Variants in UNC5B observed in about 807,000 individuals in gnomAD.
UNC5B encodes unc-5 netrin receptor B, also known as netrin receptor UNC5B.
UNC5B carries 56 observed loss-of-function variants against 103.7 expected under a neutral mutation model. The observed-to-expected ratio is 0.54, with a 90% confidence interval of 0.44 to 0.67. The LOEUF (loss-of-function observed/expected upper bound fraction) is 0.67. Among genes scored for constraint, UNC5B ranks in the 30% least tolerant of loss-of-function variants. The pLI is 0.00. For missense variants in UNC5B, 1,194 were observed against 1,284.5 expected (o/e 0.93, Z 1.08); for synonymous variants, 577 against 542.0 (o/e 1.06, Z -0.90).
intron 1 of UNC5B, among the ~76,000 whole-genome samples, chr10:71,244,319 C>T (rs1386749438): frequency 6.6e-6 from 1 of 152,206 alleles, no homozygotes; most frequent in African/African-American, 2.4e-5. Context: ...GGTGGCCCCC[C>T]ACCCCAGGGC....
At chr10:71,230,938 T>TG (rs1417849846) in intron 1 of UNC5B, among the ~76,000 whole-genome samples, 1 of 152,168 alleles carries the variant, frequency 6.6e-6, no homozygotes, top group Admixed American at 6.5e-5. Flanking sequence ...GGGGTGTGGC[T>TG]GGGGGTAAAG....
At chr10:71,227,709 C>CATATATATACACATATATATAT (rs1564707143) in intron 1 of UNC5B, among the ~76,000 whole-genome samples, 35 of 50,684 alleles carry the variant, frequency 6.9e-4, no homozygotes, top group African/African-American at 1.4e-3. Flanking sequence ...CACACATATA[C>CATATATATACACATATATATAT]ACACACACAC....
At chr10:71,273,959 T>A (rs1280790008) in intron 1 of UNC5B, among the ~76,000 whole-genome samples, 2 of 152,200 alleles carry the variant, frequency 1.3e-5, no homozygotes, top group Non-Finnish European at 2.9e-5. Context: ...GGTGCAAAAC[T>A]GTGTCTTCTA....
chr10:71,229,985 G>T (rs1843651427), intron 1 of UNC5B, among the ~76,000 whole-genome samples: 1 of 152,134 alleles, frequency 6.6e-6, no homozygotes, highest in Non-Finnish European at 1.5e-5. Context: ...GAAGTCATCA[G>T]GGGGAGTGTT....
chr10:71,290,808 C>T (rs1034222225), intron 8 of UNC5B, 107 bp from the exon 9 acceptor site: 19 of 1,350,962 alleles, frequency 1.4e-5, no homozygotes, highest in African/African-American at 4.4e-5. Flanking sequence ...AACTCAGCAC[C>T]GGGCCGGTTG....
intron 1 of UNC5B, among the ~76,000 whole-genome samples, chr10:71,279,170 C>A (rs149833663): frequency 6.6e-6 from 1 of 152,326 alleles, no homozygotes; most frequent in Non-Finnish European, 1.5e-5. Context: ...TGGGTGAGAG[C>A]CACAGACCAT....
rs116797029 is a variant in UNC5B, at chr10:71,249,050, A to C, written c.80-30771A>C. On this transcript the variant is annotated intron_variant, in intron 1 of 16. Transcript: ENST00000335350. ...CATAGCTCCCTCTGGCAAAGAGGCT[A>C]CTGGGCCCCAGCATGACATTCAGAT... 2.4e-3 allele frequency among the ~76,000 whole-genome samples: 373 copies of C among 152,296 alleles called. 1 individual carries two copies. The highest frequency in any genetic ancestry group is 8.1e-3 in the African/African-American group (335 of 41,564).
chr10:71,230,709 T>G (rs576919591), intron 1 of UNC5B, among the ~76,000 whole-genome samples: 29 of 152,350 alleles, frequency 1.9e-4, no homozygotes, highest in African/African-American at 7.0e-4. Context: ...AATTCCAAAT[T>G]CCATGGCCTT....
chr10:71,227,485 G>T (rs1843587676), intron 1 of UNC5B, among the ~76,000 whole-genome samples: 1 of 151,182 alleles, frequency 6.6e-6, no homozygotes. Flanking sequence ...TTATGTGATG[G>T]GTTCATCAAA....
At chr10:71,221,948 G>C (rs984806898) in intron 1 of UNC5B, among the ~76,000 whole-genome samples, 8 of 152,190 alleles carry the variant, frequency 5.3e-5, no homozygotes, top group Non-Finnish European at 1.2e-4. Context: ...ATGCTTAAAA[G>C]TGTGTTGCAT....
chr10:71,225,268 C>T (rs1843539025), intron 1 of UNC5B, among the ~76,000 whole-genome samples: 1 of 136,982 alleles, frequency 7.3e-6, no homozygotes, highest in African/African-American at 2.8e-5. Context: ...TCCAAACCCA[C>T]GGGGGTCGCT....
At chr10:71,230,111 G>A (rs1044016906) in intron 1 of UNC5B, among the ~76,000 whole-genome samples, 1 of 152,130 alleles carries the variant, frequency 6.6e-6, no homozygotes, top group Non-Finnish European at 1.5e-5. Flanking sequence ...TGGTTTGGTA[G>A]CTGAGAAAGA....
chr10:71,296,334 C>T (rs1434908913), intron 14 of UNC5B, among the ~76,000 whole-genome samples: 1 of 152,196 alleles, frequency 6.6e-6, no homozygotes, highest in East Asian at 1.9e-4. Flanking sequence ...CACAAGGCCC[C>T]CTAGCCCCTG....
rs1843264608 is a variant in UNC5B, at chr10:71,213,293, G to T, written c.79+229G>T. ...ACAGTAAGCTGAAAGGTCCCTGCTC[G>T]CTCCTGAAAGGGATCCCTTCTTCTC... On this transcript the variant is annotated intron_variant, in intron 1 of 16. Coordinates refer to ENST00000335350, the MANE Select transcript of UNC5B (RefSeq NM_170744.5). The surrounding 1 kb of genome is among the most constrained non-coding windows in gnomAD (Gnocchi z 4.1). Among the ~76,000 whole-genome samples, 1 of 152,150 alleles carries T rather than the reference G, an allele frequency of 6.6e-6. No homozygotes were observed. Among genetic ancestry groups the T allele is most frequent in the Non-Finnish European group, 1.5e-5 (1 of 68,014 alleles).
rs58235566 is a variant in UNC5B at position 71,213,728 on chromosome 10, AGTGTGTGTGTGTGT to A, written c.79+685_79+698del. On this transcript the variant is annotated intron_variant, in intron 1 of 16. Coordinates refer to ENST00000335350, the MANE Select transcript of UNC5B (RefSeq NM_170744.5). The surrounding 1 kb of genome is among the most constrained non-coding windows in gnomAD (Gnocchi z 4.1). Reference sequence around the variant, plus strand: ...ATTATTAATTTTCTGAGTGTTGGAGAGTGTGTGTGTGTGTGTGTGTGTGTGTGTGTGTGTTGGAT... The same window carrying A: ...ATTATTAATTTTCTGAGTGTTGGAGAGTGTGTGTGTGTGTGTGTGTTGGAT... Among the ~76,000 whole-genome samples, 3 of 131,472 alleles carry A rather than the reference AGTGTGTGTGTGTGT, an allele frequency of 2.3e-5. No homozygotes were observed. Among genetic ancestry groups the A allele is most frequent in the Admixed American group, 7.6e-5 (1 of 13,172 alleles). The allele number at this position is 131,472 out of a possible 152,430, so 86.3% of individuals were successfully genotyped here. A position where few individuals can be genotyped will look rare whatever the true frequency, so the allele number is the denominator to read the frequency against.
At chr10:71,231,628 C>T (rs7893421) in intron 1 of UNC5B, among the ~76,000 whole-genome samples, 63,587 of 151,740 alleles carry the variant, frequency 0.42, 13,598 homozygotes, top group African/African-American at 0.47. Context: ...AAACCACAAT[C>T]GTACGTAAAA....
chr10:71,239,908 G>A (rs559868177), intron 1 of UNC5B, among the ~76,000 whole-genome samples: 27 of 152,302 alleles, frequency 1.8e-4, no homozygotes, highest in Admixed American at 1.1e-3. Flanking sequence ...GCCTGCCCTC[G>A]GGAGGCTGCC....
At chr10:71,261,168 G>A (rs1414818409) in intron 1 of UNC5B, among the ~76,000 whole-genome samples, 1 of 152,156 alleles carries the variant, frequency 6.6e-6, no homozygotes, top group Non-Finnish European at 1.5e-5. Flanking sequence ...AGTTCTTTAG[G>A]CAAGTCACCC....
At chr10:71,258,312 A>G (rs1844339154) in intron 1 of UNC5B, among the ~76,000 whole-genome samples, 1 of 152,194 alleles carries the variant, frequency 6.6e-6, no homozygotes, top group African/African-American at 2.4e-5. Flanking sequence ...CTCCTAGGAT[A>G]CAGGAATCTG....
Sources: allele counts gnomAD v4.1 joint callset (sites outside exome capture counted in the v4.1 genomes callset), GRCh38; gene constraint gnomAD v4.1.1; non-coding constraint Gnocchi (gnomAD v3.1); transcripts MANE v1.5; gene names NCBI Gene and HGNC (gene_info 2026-07-23, HGNC 2026-07-21).